SCAF4: variants seen among roughly 807,000 people sequenced by gnomAD.
The protein encoded by SCAF4 is SR-related CTD associated factor 4.
Under a neutral mutation model 129.8 loss-of-function variants are expected in SCAF4, and 25 were observed. The ratio of observed to expected loss-of-function variants is 0.19; its 90% CI spans 0.14 to 0.27. The LOEUF is 0.27. SCAF4 is among the 10% of genes least tolerant of loss of function. The pLI is 1.00. For missense variants in SCAF4, 1,246 were observed against 1,457.1 expected (o/e 0.86, Z 2.36); for synonymous variants, 551 against 497.7 (o/e 1.11, Z -1.43).
At chr21:31,690,271 G>T (rs887796922) in intron 15 of SCAF4, among the ~76,000 whole-genome samples, 10 of 152,052 alleles carry the variant, frequency 6.6e-5, no homozygotes, top group African/African-American at 2.4e-4. Context: ...GATCATTTGA[G>T]GTCAGGAGTT....
At chr21:31,714,045 A>T (rs1330584567) in intron 1 of SCAF4, among the ~76,000 whole-genome samples, 3 of 152,166 alleles carry the variant, frequency 2.0e-5, no homozygotes. Flanking sequence ...TTGGTTTTGA[A>T]TCTGGGTCTG....
chr21:31,694,745 T>A (rs1293339535), intron 10 of SCAF4, 68 bp downstream of exon 10: 1 of 1,460,946 alleles, frequency 6.8e-7, no homozygotes, highest in Non-Finnish European at 9.6e-7. Flanking sequence ...AGCAAGCAAA[T>A]AAGGAGAAAT....
At chr21:31,703,315 T>C (rs2123591974) in intron 4 of SCAF4, among the ~76,000 whole-genome samples, 1 of 152,238 alleles carries the variant, frequency 6.6e-6, no homozygotes, top group East Asian at 1.9e-4. Context: ...TTTTTAAAAA[T>C]TTTACTTTAC....
At chr21:31,679,604 A>AAAATGAT (rs1248095286) in intron 19 of SCAF4, among the ~76,000 whole-genome samples, 2 of 152,220 alleles carry the variant, frequency 1.3e-5, no homozygotes, top group Admixed American at 6.5e-5. Flanking sequence ...TTATATTTTA[A>AAAATGAT]AAATGATGCT....
chr21:31,685,363 A>G (rs1291119436), intron 18 of SCAF4, 35 bp downstream of exon 18: 1 of 1,573,216 alleles, frequency 6.4e-7, no homozygotes, highest in Non-Finnish European at 8.7e-7. Flanking sequence ...CAGCTCCAAG[A>G]GGATAAGCAA....
chr21:31,671,758 C>T lies in SCAF4; in HGVS notation c.3085G>A (p.Asp1029Asn), dbSNP rs142840907. The stretch of plus-strand genomic sequence containing the variant: ...CTCCTCCTTCCCCACTCTCTCCTGT[C>T]ACGGTTACTATTATCTCTATCATCA... ...RNDDRDNSNR[D>N]RREWGRRSPD... The change falls in exon 20 of 20, where the codon GAC becomes AAC. Residue 1029 changes from aspartate to asparagine, a missense_variant. Physicochemically the swap from Asp to Asn is conservative, Grantham distance 23. Coordinates refer to ENST00000286835, the MANE Select transcript of SCAF4 (RefSeq NM_020706.2). The T allele has an allele frequency of 7.5e-5, 121 of 1,614,080 alleles. No homozygotes were observed. The Admixed American group carries it at 1.0e-3, about 14-fold the overall frequency.
At chr21:31,717,826 C>CAT (rs796625672) in intron 1 of SCAF4, among the ~76,000 whole-genome samples, 2,711 of 109,920 alleles carry the variant, frequency 0.025, 89 homozygotes, top group African/African-American at 0.062. Flanking sequence ...AAACTGCTGC[C>CAT]ATATATATAT....
At chr21:31,729,191 A>C (rs1293682808) in intron 1 of SCAF4, among the ~76,000 whole-genome samples, 2 of 152,234 alleles carry the variant, frequency 1.3e-5, no homozygotes, top group African/African-American at 2.4e-5. Context: ...GCAAACATGA[A>C]ACTTGTCAGG....
intron 1 of SCAF4, among the ~76,000 whole-genome samples, chr21:31,717,039 A>C (rs2123657531): frequency 6.6e-6 from 1 of 152,306 alleles, no homozygotes; most frequent in East Asian, 1.9e-4. Flanking sequence ...CCAATCAATA[A>C]TCAAAGTACA....
At chr21:31,677,838 C>T (rs186662215) in intron 19 of SCAF4, among the ~76,000 whole-genome samples, 1 of 152,160 alleles carries the variant, frequency 6.6e-6, no homozygotes, top group Non-Finnish European at 1.5e-5. Context: ...GCTATGTGAC[C>T]CTTGGAAGGT....
At chr21:31,694,176 G>T (rs1374327112) in intron 11 of SCAF4, 28 bp downstream of exon 11, 2 of 1,328,682 alleles carry the variant, frequency 1.5e-6, no homozygotes, top group Admixed American at 1.8e-5. Context: ...GATATACAGG[G>T]TTGGAAAAAA....
intron 1 of SCAF4, among the ~76,000 whole-genome samples, chr21:31,720,241 C>T (rs1314837892): frequency 6.6e-6 from 1 of 152,090 alleles, no homozygotes; most frequent in Non-Finnish European, 1.5e-5. Context: ...AATTAGAAAA[C>T]AATATTAATG....
rs948727534 is a variant in SCAF4 at position 31,690,673 on chromosome 21, A to G, written c.1885+124T>C. ...CCCTCAGTTTATAATGGAGATACTG[A>G]CACAGGAGGGATCCTAAAAAATCTC... On this transcript the variant is annotated intron_variant, in intron 15 of 19. Coordinates refer to ENST00000286835, the MANE Select transcript of SCAF4 (RefSeq NM_020706.2). The G allele has an allele frequency of 3.9e-6, 3 of 765,762 alleles. No homozygotes were observed. In the African/African-American group the frequency reaches 5.2e-5, roughly 13 times the overall value. The allele number at this position is 765,762 out of a possible 1,614,324, so 47.4% of individuals were successfully genotyped here.
intron 1 of SCAF4, among the ~76,000 whole-genome samples, chr21:31,726,396 C>T (rs1223487587): frequency 2.0e-5 from 3 of 152,022 alleles, no homozygotes; most frequent in African/African-American, 7.3e-5. Flanking sequence ...CATGGTGGCT[C>T]ATGCCTGCAA....
chr21:31,707,256 G>A (rs2050690113), intron 1 of SCAF4, among the ~76,000 whole-genome samples: 1 of 152,172 alleles, frequency 6.6e-6, no homozygotes, highest in Admixed American at 6.5e-5. Context: ...AGGAGGCTGA[G>A]GCATGAGAAC....
intron 19 of SCAF4, among the ~76,000 whole-genome samples, chr21:31,676,214 G>C (rs886660037): frequency 1.3e-5 from 2 of 152,116 alleles, no homozygotes; most frequent in African/African-American, 4.8e-5. Context: ...CATTCTACCA[G>C]AGCCACCATC....
At chr21:31,684,984 G>A in intron 19 of SCAF4, 65 bp downstream of exon 19, 1 of 629,204 alleles carries the variant, frequency 1.6e-6, no homozygotes, top group Non-Finnish European at 2.7e-6. Flanking sequence ...TCTAACTTGG[G>A]GATGGGTGGG....
chr21:31,707,655 T>C (rs1467130923), intron 1 of SCAF4, among the ~76,000 whole-genome samples: 4 of 152,244 alleles, frequency 2.6e-5, no homozygotes, highest in African/African-American at 9.6e-5. Context: ...ATGAATCACA[T>C]TTCCATTCTT....
intron 1 of SCAF4, among the ~76,000 whole-genome samples, chr21:31,708,381 A>G (rs190986528): frequency 6.9e-6 from 1 of 144,982 alleles, no homozygotes; most frequent in East Asian, 2.0e-4. Context: ...CTCTGTCTTT[A>G]AAAAAAAAAA....
Sources: allele counts gnomAD v4.1 joint callset (sites outside exome capture counted in the v4.1 genomes callset), GRCh38; gene constraint gnomAD v4.1.1; transcripts MANE v1.5; gene names NCBI Gene and HGNC (gene_info 2026-07-23, HGNC 2026-07-21).